REV3L: variants seen among roughly 807,000 people sequenced by gnomAD.
The protein encoded by REV3L is DNA polymerase zeta catalytic subunit.
In REV3L, 69 loss-of-function variants were observed where a neutral mutation model predicts 299.4. The observed-to-expected ratio is 0.23, with a 90% CI of 0.19 to 0.28. The LOEUF (loss-of-function observed/expected upper bound fraction) is 0.28. REV3L is among the 10% of genes least tolerant of loss of function. The pLI, the probability that REV3L is intolerant of heterozygous loss-of-function variation, is 1.00. For missense variants in REV3L, 3,128 were observed against 3,693.8 expected (o/e 0.85, Z 3.97); for synonymous variants, 1,238 against 1,271.4 (o/e 0.97, Z 0.56).
intron 31 of REV3L, among the ~76,000 whole-genome samples, chr6:111,303,489 C>A (rs1389561755): frequency 1.3e-5 from 2 of 151,598 alleles, no homozygotes; most frequent in African/African-American, 4.8e-5. Flanking sequence ...ACCTCAGCCT[C>A]CCAAGTAGCT....
chr6:111,409,398 A>C (rs1784005284), intron 3 of REV3L, among the ~76,000 whole-genome samples: 1 of 152,154 alleles, frequency 6.6e-6, no homozygotes, highest in Non-Finnish European at 1.5e-5. Context: ...TAGTGGTAGA[A>C]AACACAATGA....
chr6:111,359,784 A>G (rs1778465130), intron 16 of REV3L, among the ~76,000 whole-genome samples: 1 of 152,166 alleles, frequency 6.6e-6, no homozygotes, highest in Non-Finnish European at 1.5e-5. Context: ...TATCATGTAC[A>G]TGTACCTGGC....
chr6:111,426,155 C>A (rs1786153919), intron 1 of REV3L, among the ~76,000 whole-genome samples: 1 of 152,128 alleles, frequency 6.6e-6, no homozygotes, highest in South Asian at 2.1e-4. Context: ...TCGGACAGAA[C>A]CCTTACCCTG....
chr6:111,376,900 T>C, intron 12 of REV3L, 143 bp from the exon 13 acceptor site: 1 of 576,218 alleles, frequency 1.7e-6, no homozygotes, highest in Non-Finnish European at 2.9e-6. Context: ...AGGTAATGCT[T>C]ATCATTAATG....
intron 1 of REV3L, among the ~76,000 whole-genome samples, chr6:111,475,805 G>A (rs1413574578): frequency 6.6e-6 from 1 of 152,072 alleles, no homozygotes; most frequent in African/African-American, 2.4e-5. Flanking sequence ...AACCCAGTAT[G>A]CTATTAAAGG....
chr6:111,344,557 AAAATACT>A (rs779412981), intron 20 of REV3L, among the ~76,000 whole-genome samples: 2 of 152,210 alleles, frequency 1.3e-5, no homozygotes, highest in African/African-American at 4.8e-5. Flanking sequence ...TTCCAAAAGC[AAAATACT>A]AAAATGTCAG....
intron 27 of REV3L, among the ~76,000 whole-genome samples, chr6:111,313,824 T>C (rs962011563): frequency 1.3e-5 from 2 of 152,238 alleles, no homozygotes; most frequent in Admixed American, 1.3e-4. Context: ...ATTTCCATAC[T>C]GTCCTTTTCC....
chr6:111,363,857 T>G lies in REV3L; in HGVS notation c.6875A>C (p.His2292Pro), dbSNP rs759445044. The change falls in exon 16 of 32, where the codon CAT (histidine) becomes CCT (proline). Residue 2292 changes from histidine (H) to proline (P), a missense_variant. By Grantham distance (77) the His-to-Pro change is moderately conservative. This residue lies in a region of REV3L where 2,409 missense variants were observed against 2,611.8 expected (regional missense o/e 0.92). Transcript: ENST00000368802. ...IQNLQEAKAL[H>P]EIQNLTLISV... ...TCCTTACTGTTGCAGTTTTACCTCA[T>G]GTAAAGCTTTTGCCTCCTGTAAGTT... 3 of 1,613,278 alleles carry G rather than the reference T, an allele frequency of 1.9e-6. No homozygotes were observed. The highest frequency in any genetic ancestry group is 2.5e-6 in the Non-Finnish European group (3 of 1,179,634).
chr6:111,365,730 G>A (rs751698801), intron 14 of REV3L, among the ~76,000 whole-genome samples: 1 of 152,106 alleles, frequency 6.6e-6, no homozygotes, highest in Non-Finnish European at 1.5e-5. Context: ...AATTATAACT[G>A]CACTAATACA....
intron 1 of REV3L, among the ~76,000 whole-genome samples, chr6:111,445,002 T>A (rs561861468): frequency 6.6e-6 from 1 of 152,182 alleles, no homozygotes; most frequent in African/African-American, 2.4e-5. Flanking sequence ...ACCTAGGCAG[T>A]CAAGCAACCG....
chr6:111,424,316 T>C (rs1006223857), intron 1 of REV3L, among the ~76,000 whole-genome samples: 3 of 152,122 alleles, frequency 2.0e-5, no homozygotes, highest in Admixed American at 6.5e-5. Flanking sequence ...TGGCAGGATG[T>C]AGATAAAAGT....
At chr6:111,416,788 T>C (rs1242254685) in intron 1 of REV3L, among the ~76,000 whole-genome samples, 1 of 152,206 alleles carries the variant, frequency 6.6e-6, no homozygotes, top group East Asian at 1.9e-4. Context: ...ATACCAGTGT[T>C]ATGAAGGTTA....
At chr6:111,471,991 T>C (rs1236693002) in intron 1 of REV3L, 33 of 1,053,416 alleles carry the variant, frequency 3.1e-5, no homozygotes, top group Non-Finnish European at 3.8e-5. Flanking sequence ...CCCCAATATA[T>C]TAACCAAAAT....
Position 111,374,724 on chromosome 6 carries a change from T to C in REV3L, c.3631A>G (p.Lys1211Glu). 1 of 1,613,106 alleles carries C rather than the reference T, an allele frequency of 6.2e-7. No individual in the cohort carries two copies. The highest frequency in any genetic ancestry group is 8.5e-7 in the Non-Finnish European group (1 of 1,179,776). ...VDDGKKKPRA[K>E]QKTNEKGTSR... ...GTACCTTTCTCATTTGTTTTTTGTT[T>C]TGCTCTTGGTTTCTTTTTTCCATCA... The change falls in exon 13 of 32, where the codon AAA becomes GAA. Residue 1211 changes from lysine (K) to glutamate (E), a missense_variant. Lys to Glu is a moderately conservative substitution (Grantham distance 56). Around this residue, in one of 9 missense-constraint regions of REV3L, gnomAD observed 2,409 missense variants for 2,611.8 expected, o/e 0.92. Transcript: ENST00000368802.
intron 25 of REV3L, among the ~76,000 whole-genome samples, chr6:111,328,647 A>AAT (rs1471404367): frequency 2.0e-5 from 3 of 152,154 alleles, no homozygotes; most frequent in East Asian, 1.9e-4. Flanking sequence ...GATCCCCAAG[A>AAT]ATATATATAT....
intron 4 of REV3L, among the ~76,000 whole-genome samples, chr6:111,404,039 A>G (rs1783364195): frequency 6.6e-6 from 1 of 152,238 alleles, no homozygotes; most frequent in Admixed American, 6.5e-5. Flanking sequence ...GATACACTAA[A>G]TAACAGATTT....
intron 1 of REV3L, among the ~76,000 whole-genome samples, chr6:111,468,568 T>C (rs905235665): frequency 1.3e-5 from 2 of 152,146 alleles, no homozygotes; most frequent in Admixed American, 6.6e-5. Flanking sequence ...AAATTAAAAC[T>C]ACACTGAGAT....
chr6:111,445,706 G>GC (rs1036320270), intron 1 of REV3L, among the ~76,000 whole-genome samples: 4 of 152,090 alleles, frequency 2.6e-5, no homozygotes, highest in Admixed American at 1.3e-4. Context: ...TGCTTAGGGA[G>GC]CCCCCCTAAA....
chr6:111,388,137 A>T (rs753318927), intron 7 of REV3L, 52 bp from the exon 8 acceptor site: 1 of 1,257,962 alleles, frequency 7.9e-7, no homozygotes, highest in South Asian at 1.3e-5. Context: ...TGAATGAAAT[A>T]TTTTCCCTTC....
Sources: gnomAD v4.1 joint callset for allele counts (sites outside exome capture counted in the v4.1 genomes callset) on GRCh38, gnomAD v4.1.1 for gene constraint, gnomAD v4.1.1 regional missense constraint, MANE v1.5 for transcripts, NCBI Gene and HGNC (gene_info 2026-07-23, HGNC 2026-07-21) for gene names.